Variants in TENM1 observed in about 807,000 individuals in gnomAD.
TENM1 encodes the protein teneurin transmembrane protein 1.
A neutral mutation model predicts 174.8 loss-of-function variants in TENM1; 35 were observed. The observed-to-expected ratio is 0.20, with a 90% CI of 0.15 to 0.27. The LOEUF is 0.27. TENM1 is among the 10% of genes least tolerant of loss of function. TENM1 has a pLI of 1.00. For missense variants in TENM1, 1,633 were observed against 2,130.1 expected (o/e 0.77, Z 4.59); for synonymous variants, 781 against 798.7 (o/e 0.98, Z 0.37).
chrX:125,002,242 C>T, the TENM1 span, among the ~76,000 whole-genome samples: 2 of 111,425 alleles, frequency 1.8e-5, no homozygotes, highest in African/African-American at 3.3e-5. Flanking sequence ...TAGTGCTTCA[C>T]AATTGGGCTC....
At chrX:125,108,832 A>G in the TENM1 span, among the ~76,000 whole-genome samples, 53 of 110,671 alleles carry the variant, frequency 4.8e-4, no homozygotes, top group African/African-American at 1.4e-3. Flanking sequence ...TAGGTGTTCA[A>G]TAAATGATAA....
Position 124,562,677 on chromosome X carries a change from T to G in TENM1, c.2288-860A>C, listed in dbSNP as rs977895874. ...GATGCCCTACTCTTTGTACCCGTAG[T>G]CTGGAGTTCAGCTCTAGCAAAGGGT... On this transcript the variant is annotated intron_variant, in intron 13 of 31. Transcript: ENST00000422452. Among the ~76,000 whole-genome samples, 3 of 112,837 alleles carry G rather than the reference T, an allele frequency of 2.7e-5. No homozygotes were observed. In the South Asian group the frequency reaches 1.1e-3, roughly 41 times the overall value.
chrX:125,004,675 T>G, the TENM1 span, among the ~76,000 whole-genome samples: 2 of 111,060 alleles, frequency 1.8e-5, no homozygotes, highest in Admixed American at 9.5e-5. Flanking sequence ...TCAACTATAT[T>G]GTTTAATTAT....
In TENM1 at chrX:124,487,015, A is replaced by T. The variant is rs758586082; in HGVS notation, c.3716+194T>A. On this transcript the variant is annotated intron_variant, in intron 21 of 31. Transcript: ENST00000422452. ...ATTGTTTTCTTTTTAGTATGTTTTG[A>T]TCCTCCAGCAAATCCTACATAGTGG... is the stretch of plus-strand genomic sequence containing the variant. Among the ~76,000 whole-genome samples the T allele has an allele frequency of 1.2e-4, 13 of 112,191 alleles. No homozygotes were observed. The East Asian group carries it at 3.4e-3, about 29-fold the overall frequency.
chrX:125,165,239 C>T, the TENM1 span, among the ~76,000 whole-genome samples: 1 of 111,616 alleles, frequency 9.0e-6, no homozygotes, highest in African/African-American at 3.3e-5. Context: ...GAGTGGAAAA[C>T]AATTGGTTTT....
chrX:124,591,772 C>T (rs2049750720), intron 11 of TENM1, among the ~76,000 whole-genome samples: 2 of 112,038 alleles, frequency 1.8e-5, no homozygotes, highest in African/African-American at 6.5e-5. Context: ...ATAAACCTTT[C>T]TAGCAAGATT....
At chrX:125,083,714 T>C in the TENM1 span, among the ~76,000 whole-genome samples, 14 of 111,611 alleles carry the variant, frequency 1.3e-4, no homozygotes, top group Admixed American at 2.9e-4. Flanking sequence ...ATACAATATA[T>C]ACAACTCTTG....
chrX:124,578,564 T>C (rs2049226903), intron 11 of TENM1, among the ~76,000 whole-genome samples: 1 of 111,954 alleles, frequency 8.9e-6, no homozygotes, highest in Non-Finnish European at 1.9e-5. Flanking sequence ...AGTCAATATA[T>C]GTAAAGTGCT....
intron 4 of TENM1, among the ~76,000 whole-genome samples, chrX:124,724,459 A>G (rs1288461362): frequency 8.9e-6 from 1 of 112,078 alleles, no homozygotes; most frequent in Admixed American, 9.5e-5. Context: ...ATGAAAGTTG[A>G]AGTGGGGAGG....
chrX:125,039,983 A>T, the TENM1 span, among the ~76,000 whole-genome samples: 2,776 of 111,689 alleles, frequency 0.025, 93 homozygotes, highest in African/African-American at 0.084. Flanking sequence ...AGTTTAATTG[A>T]TCTAATTTAG....
chrX:124,447,646 G>C (rs1489267447), intron 23 of TENM1, among the ~76,000 whole-genome samples: 1 of 111,656 alleles, frequency 9.0e-6, no homozygotes, highest in Non-Finnish European at 1.9e-5. Context: ...AGCAGCATTT[G>C]ATACTGACCA....
intron 11 of TENM1, among the ~76,000 whole-genome samples, chrX:124,583,313 G>A (rs1216447484): frequency 3.6e-5 from 4 of 111,223 alleles, no homozygotes; most frequent in Non-Finnish European, 7.5e-5. Flanking sequence ...CATCTCACAC[G>A]GCCGGGTACT....
chrX:124,991,950 G>T, the TENM1 span, among the ~76,000 whole-genome samples: 1 of 110,534 alleles, frequency 9.0e-6, no homozygotes, highest in Non-Finnish European at 1.9e-5. Flanking sequence ...TCCTTACCTT[G>T]CCTCTTTGTA....
the TENM1 span, among the ~76,000 whole-genome samples, chrX:125,147,230 A>G: frequency 1.3e-3 from 139 of 109,524 alleles, 1 homozygote; most frequent in Middle Eastern, 4.8e-3. Flanking sequence ...ATGTATGCAT[A>G]TGTGTATACA....
At chrX:124,981,180 G>A in the TENM1 span, among the ~76,000 whole-genome samples, 1 of 111,641 alleles carries the variant, frequency 9.0e-6, no homozygotes, top group Non-Finnish European at 1.9e-5. Flanking sequence ...TTTCAGATGA[G>A]AAAACAGAGG....
At chrX:124,650,143 A>G (rs2051260322) in intron 8 of TENM1, among the ~76,000 whole-genome samples, 2 of 94,110 alleles carry the variant, frequency 2.1e-5, no homozygotes, top group Non-Finnish European at 4.1e-5. Context: ...CGAAGGTTGC[A>G]GTGAGCCGAG....
intron 11 of TENM1, among the ~76,000 whole-genome samples, chrX:124,618,433 T>G (rs1191458525): frequency 8.9e-6 from 1 of 112,253 alleles, no homozygotes; most frequent in Non-Finnish European, 1.9e-5. Flanking sequence ...TTCTGTTATT[T>G]AATGCTAAAA....
chrX:124,951,472 T>C (rs1469670024), intron 1 of TENM1, among the ~76,000 whole-genome samples: 1 of 109,795 alleles, frequency 9.1e-6, no homozygotes, highest in Non-Finnish European at 1.9e-5. Context: ...AAGACACATG[T>C]ATTTTAGAAA....
chrX:124,420,500 C>T (rs1313794831), exon 25 of TENM1: 7 of 1,210,897 alleles, frequency 5.8e-6, no homozygotes, highest in Admixed American at 2.2e-5. Context: ...GCCTGCATCA[C>T]GGCGAATGTG....
Sources: gnomAD v4.1 joint callset for allele counts (sites outside exome capture counted in the v4.1 genomes callset) on GRCh38, gnomAD v4.1.1 for gene constraint, MANE v1.5 for transcripts, NCBI Gene and HGNC (gene_info 2026-07-23, HGNC 2026-07-21) for gene names.